The following KCNIP4 variants were observed in gnomAD, a reference collection of about 807,000 sequenced individuals.
KCNIP4 encodes the protein potassium voltage-gated channel interacting protein 4.
KCNIP4 carries 12 observed loss-of-function variants against 34.0 expected under a neutral mutation model. The observed-to-expected ratio is 0.35, with a 90% CI of 0.23 to 0.57. KCNIP4 has a LOEUF of 0.57. Ranked by LOEUF, KCNIP4 falls within the 20% of genes least tolerant of loss-of-function variation. KCNIP4 has a pLI of 0.83. For missense variants in KCNIP4, 238 were observed against 311.7 expected (o/e 0.76, Z 1.78); for synonymous variants, 124 against 102.2 (o/e 1.21, Z -1.29).
At chr4:21,228,323 G>A (rs929268016) in intron 1 of KCNIP4, among the ~76,000 whole-genome samples, 1 of 152,134 alleles carries the variant, frequency 6.6e-6, no homozygotes, top group African/African-American at 2.4e-5. Flanking sequence ...CTCTGCCACG[G>A]TAAAACATGA....
At chr4:20,781,498 A>C (rs1208608721) in intron 3 of KCNIP4, among the ~76,000 whole-genome samples, 1 of 152,208 alleles carries the variant, frequency 6.6e-6, no homozygotes, top group East Asian at 1.9e-4. Flanking sequence ...ACAGTTCCAC[A>C]TGGCTGGGGA....
chr4:21,241,568 G>A (rs974940356), intron 1 of KCNIP4, among the ~76,000 whole-genome samples: 5 of 152,186 alleles, frequency 3.3e-5, no homozygotes, highest in Admixed American at 6.5e-5. Context: ...GCCAGCTGAC[G>A]TGAGGAACTG....
At chr4:21,618,630 C>CTTTTTTTTTTTTTTTTTTTT (rs58967707) in intron 1 of KCNIP4, among the ~76,000 whole-genome samples, 3 of 81,790 alleles carry the variant, frequency 3.7e-5, no homozygotes, top group Non-Finnish European at 2.2e-5. Flanking sequence ...TTTTCTTTTT[C>CTTTTTTTTTTTTTTTTTTTT]TTTTTTTTTT....
At chr4:21,471,471 T>G (rs1044989775) in intron 1 of KCNIP4, among the ~76,000 whole-genome samples, 3 of 152,212 alleles carry the variant, frequency 2.0e-5, no homozygotes, top group African/African-American at 7.2e-5. Flanking sequence ...AATCTTTATC[T>G]CTGTATTTCA....
intron 1 of KCNIP4, among the ~76,000 whole-genome samples, chr4:21,786,572 CTTT>C (rs10688809): frequency 1.4e-5 from 2 of 143,084 alleles, no homozygotes; most frequent in Non-Finnish European, 1.5e-5. Context: ...GAGAGTCACT[CTTT>C]TTTTTTTTTT....
intron 1 of KCNIP4, among the ~76,000 whole-genome samples, chr4:21,897,554 T>G (rs1727466415): frequency 6.6e-6 from 1 of 152,052 alleles, no homozygotes; most frequent in African/African-American, 2.4e-5. Context: ...CAATGTGAAA[T>G]AGGAAGGGGA....
At chr4:21,429,827 T>G (rs1726276853) in intron 1 of KCNIP4, among the ~76,000 whole-genome samples, 2 of 152,184 alleles carry the variant, frequency 1.3e-5, no homozygotes, top group Non-Finnish European at 2.9e-5. Context: ...TATTTGATGA[T>G]TTATTCTTAC....
chr4:21,916,116 C>T (rs1728616626), intron 1 of KCNIP4, among the ~76,000 whole-genome samples: 1 of 152,210 alleles, frequency 6.6e-6, no homozygotes, highest in Non-Finnish European at 1.5e-5. Flanking sequence ...ACTGGACCAA[C>T]ATAATATCAA....
intron 1 of KCNIP4, among the ~76,000 whole-genome samples, chr4:21,346,083 A>T (rs1717293249): frequency 7.9e-6 from 1 of 127,016 alleles, no homozygotes; most frequent in African/African-American, 3.0e-5. Context: ...TATATATTTA[A>T]GATATTTAAG....
At position 21,946,099 on chromosome 4, in the gene KCNIP4, T is replaced by A. The variant is rs114343420; in HGVS notation, c.61+2472A>T. On this transcript the variant is annotated intron_variant, in intron 1 of 8. Coordinates refer to ENST00000382152, the MANE Select transcript of KCNIP4 (RefSeq NM_025221.6). ...TAAAGTTTCAGAATTGCAACTCGAC[T>A]CTGTTCTGTCATTTCCAACATTTCC... Among the ~76,000 whole-genome samples the A allele has an allele frequency of 4.3e-3, 658 of 151,622 alleles. 5 individuals carry two copies. Among genetic ancestry groups the A allele is most frequent in the African/African-American group, 0.015 (618 of 41,294 alleles).
At chr4:20,828,977 T>C (rs967817623) in intron 3 of KCNIP4, among the ~76,000 whole-genome samples, 1 of 152,178 alleles carries the variant, frequency 6.6e-6, no homozygotes, top group African/African-American at 2.4e-5. Flanking sequence ...TTACTCTCTC[T>C]AGCTTTTCAA....
chr4:20,856,970 TGA>T (rs898884324), intron 2 of KCNIP4, among the ~76,000 whole-genome samples: 1 of 151,366 alleles, frequency 6.6e-6, no homozygotes, highest in Non-Finnish European at 1.5e-5. Context: ...ATGCAAAGTC[TGA>T]GACAAAAGAC....
intron 1 of KCNIP4, among the ~76,000 whole-genome samples, chr4:21,007,550 G>A (rs905270123): frequency 1.3e-5 from 2 of 151,998 alleles, no homozygotes; most frequent in East Asian, 1.9e-4. Flanking sequence ...CTCTGCCCCC[G>A]ACCCACCCAG....
chr4:21,859,797 G>A (rs1724968073), intron 1 of KCNIP4, among the ~76,000 whole-genome samples: 1 of 152,172 alleles, frequency 6.6e-6, no homozygotes. Flanking sequence ...GGGAAGCTGA[G>A]GTGAGAAGAT....
chr4:21,556,930 A>AAAAAAAAAAAAAAAACAAAAAAAAAAAAC (rs1553903108), intron 1 of KCNIP4, among the ~76,000 whole-genome samples: 1 of 108,194 alleles, frequency 9.2e-6, no homozygotes, highest in African/African-American at 3.2e-5. Context: ...CAGAAAAAAA[A>AAAAAAAAAAAAAAAACAAAAAAAAAAAAC]AAAAAAAAAA....
chr4:21,868,176 A>G (rs1260711566), intron 1 of KCNIP4, among the ~76,000 whole-genome samples: 1 of 152,212 alleles, frequency 6.6e-6, no homozygotes, highest in Non-Finnish European at 1.5e-5. Flanking sequence ...GGCCAACATC[A>G]GAACACATTC....
chr4:21,809,500 C>T (rs1340111446), intron 1 of KCNIP4, among the ~76,000 whole-genome samples: 1 of 152,174 alleles, frequency 6.6e-6, no homozygotes, highest in Non-Finnish European at 1.5e-5. Flanking sequence ...AACACATACA[C>T]ACACTATTAG....
intron 1 of KCNIP4, among the ~76,000 whole-genome samples, chr4:21,629,584 C>G (rs1416223243): frequency 6.6e-6 from 1 of 152,016 alleles, no homozygotes; most frequent in Non-Finnish European, 1.5e-5. Context: ...CTACAGTGTC[C>G]CTTTATGAGA....
intron 1 of KCNIP4, among the ~76,000 whole-genome samples, chr4:21,245,710 G>T (rs1003042773): frequency 2.0e-5 from 3 of 152,016 alleles, no homozygotes; most frequent in African/African-American, 7.3e-5. Flanking sequence ...CACCAAGAAT[G>T]AGAGTATCTG....
Sources: allele counts gnomAD v4.1 joint callset (sites outside exome capture counted in the v4.1 genomes callset), GRCh38; gene constraint gnomAD v4.1.1; transcripts MANE v1.5; gene names NCBI Gene and HGNC (gene_info 2026-07-23, HGNC 2026-07-21).